Variants in TMC5 observed in about 807,000 individuals in gnomAD.
TMC5 encodes transmembrane channel like 5.
In TMC5, 86 loss-of-function variants were observed where a neutral mutation model predicts 110.5. The ratio of observed to expected loss-of-function variants is 0.78; its 90% CI spans 0.65 to 0.93. The LOEUF (loss-of-function observed/expected upper bound fraction) is 0.93. TMC5 is among the 40% of genes least tolerant of loss of function. The pLI is 0.00. For missense variants in TMC5, 1,144 were observed against 1,222.8 expected (o/e 0.94, Z 0.96); for synonymous variants, 455 against 439.5 (o/e 1.04, Z -0.44).
At chr16:19,437,957 C>T (rs1967384073) in intron 2 of TMC5, among the ~76,000 whole-genome samples, 1 of 152,118 alleles carries the variant, frequency 6.6e-6, no homozygotes, top group South Asian at 2.1e-4. Context: ...AACTCTGTGG[C>T]CAGGGGGATG....
chr16:19,466,188 C>T lies in TMC5; in HGVS notation c.1592C>T (p.Thr531Ile), dbSNP rs757877398. The T allele has an allele frequency of 1.2e-6, 2 of 1,614,174 alleles. No individual in the cohort carries two copies. Among genetic ancestry groups the T allele is most frequent in the East Asian group, 4.5e-5 (2 of 44,876 alleles). Residue 531 changes from threonine to isoleucine, a missense_variant, in exon 9 of 22, where the codon ACA becomes ATA. Thr to Ile is a moderately conservative substitution (Grantham distance 89). Coordinates refer to ENST00000542583, the MANE Select transcript of TMC5 (RefSeq NM_001261841.2). ...SYNMQLAYIF[T>I]IGACLTTCFF... is the part of the protein sequence containing the mutation. ...AACATGCAGCTGGCCTACATCTTCACAATCGGAGCATGCTTGACCACCTGC... is the reference window on the plus strand; with the variant it reads ...AACATGCAGCTGGCCTACATCTTCATAATCGGAGCATGCTTGACCACCTGC...
chr16:19,491,107 C>T lies in TMC5; in HGVS notation c.2747+539C>T, dbSNP rs990799960. Among the ~76,000 whole-genome samples the T allele has an allele frequency of 3.3e-5, 5 of 152,078 alleles. No homozygotes were observed. The South Asian group carries it at 1.0e-3, about 32-fold the overall frequency. On this transcript the variant is annotated intron_variant, in intron 18 of 21. Coordinates refer to ENST00000542583, the MANE Select transcript of TMC5 (RefSeq NM_001261841.2). ...CTTGCTGCAACCTCAACCTTTCAGG[C>T]TCAAGCCATCCTCCCACCTCAGCCC...
intron 2 of TMC5, among the ~76,000 whole-genome samples, chr16:19,434,233 A>AATATATATCTATATATCTATAGT (rs1446515418): frequency 8.2e-6 from 1 of 122,676 alleles, no homozygotes; most frequent in East Asian, 2.1e-4. Flanking sequence ...CTATATATAT[A>AATATATATCTATATATCTATAGT]ATATATATCT....
At chr16:19,474,509 C>T (rs1042870990) in intron 12 of TMC5, among the ~76,000 whole-genome samples, 2 of 151,992 alleles carry the variant, frequency 1.3e-5, no homozygotes, top group Non-Finnish European at 2.9e-5. Flanking sequence ...GCAACATAGC[C>T]GGATGCTGGC....
rs774260564 is a variant in TMC5 at position 19,472,178 on chromosome 16, G to T, written c.1873G>T (p.Val625Phe). The part of the protein sequence containing the change: ...RFSAYMVAWV[V>F]STGVAIACCA... ...CTCTGCCTACATGGTAGCCTGGGTT[G>T]TCTCTACAGGAGTGGCCATAGCCTG... Residue 625 changes from valine to phenylalanine, a missense_variant, in exon 11 of 22, where the codon GTC (valine) becomes TTC (phenylalanine). Physicochemically the swap from Val to Phe is conservative, Grantham distance 50. Transcript: ENST00000542583. 6 of 1,614,198 alleles carry T rather than the reference G, an allele frequency of 3.7e-6. No homozygotes were observed. In the Admixed American group the frequency reaches 1.0e-4, roughly 27 times the overall value.
At chr16:19,464,913 C>T (rs1172508322) in intron 8 of TMC5, among the ~76,000 whole-genome samples, 3 of 151,458 alleles carry the variant, frequency 2.0e-5, no homozygotes, top group South Asian at 2.1e-4. Flanking sequence ...AGATGACAGG[C>T]ACATAGATTA....
chr16:19,435,876 G>A (rs747699997), intron 2 of TMC5, among the ~76,000 whole-genome samples: 33 of 152,218 alleles, frequency 2.2e-4, no homozygotes, highest in Non-Finnish European at 2.1e-4. Flanking sequence ...TTGCCTCTCT[G>A]TAGTATTTCA....
chr16:19,472,306 A>G, intron 11 of TMC5, 63 bp downstream of exon 11: 3 of 1,578,808 alleles, frequency 1.9e-6, no homozygotes, highest in Non-Finnish European at 2.6e-6. Context: ...CTGGAGGGGA[A>G]GGGTGGTGTG....
At position 19,444,719 on chromosome 16, in the gene TMC5, G is replaced by T. The variant is rs866924834; in HGVS notation, c.958+469G>T. On this transcript the variant is annotated intron_variant, in intron 4 of 21. Coordinates refer to ENST00000542583, the MANE Select transcript of TMC5 (RefSeq NM_001261841.2). ...CACCTGTAGTTTAGCATATCCTAAA[G>T]GCATTCAGGCAATCAGCACGTATGT... 2.2e-4 allele frequency among the ~76,000 whole-genome samples: 33 copies of T among 152,196 alleles called. 1 individual carries two copies. The highest frequency in any genetic ancestry group is 6.0e-4 in the African/African-American group (25 of 41,448).
chr16:19,416,196 A>G (rs1966876318), upstream of TMC5, among the ~76,000 whole-genome samples: 1 of 152,086 alleles, frequency 6.6e-6, no homozygotes. Flanking sequence ...AAAGGAAAAA[A>G]AAAAAAAAGA....
At chr16:19,421,927 C>T (rs1212092137) in intron 1 of TMC5, among the ~76,000 whole-genome samples, 1 of 151,040 alleles carries the variant, frequency 6.6e-6, no homozygotes, top group African/African-American at 2.4e-5. Context: ...GAGACTCCAT[C>T]TCTTAAAAAA....
chr16:19,412,876 G>C (rs935311903), intron 1 of TMC5, among the ~76,000 whole-genome samples: 9 of 152,150 alleles, frequency 5.9e-5, no homozygotes, highest in Admixed American at 4.6e-4. Flanking sequence ...ACTGAGTCTT[G>C]CTCTGTTGCC....
chr16:19,429,644 C>A (rs1334655846), intron 1 of TMC5, among the ~76,000 whole-genome samples: 4 of 152,198 alleles, frequency 2.6e-5, no homozygotes, highest in Non-Finnish European at 4.4e-5. Flanking sequence ...AGATCAGGTG[C>A]CTGCAAAAAG....
At chr16:19,465,528 C>CAAAA (rs1968165445) in intron 8 of TMC5, among the ~76,000 whole-genome samples, 1 of 151,454 alleles carries the variant, frequency 6.6e-6, no homozygotes, top group Non-Finnish European at 1.5e-5. Flanking sequence ...GACTCCATCT[C>CAAAA]AAAAAAATAA....
chr16:19,465,364 T>C (rs1968160752), intron 8 of TMC5, among the ~76,000 whole-genome samples: 1 of 151,834 alleles, frequency 6.6e-6, no homozygotes, highest in African/African-American at 2.4e-5. Flanking sequence ...CAAAACCCCA[T>C]CTCTACTTAA....
chr16:19,470,456 G>A (rs1278603266), intron 10 of TMC5, among the ~76,000 whole-genome samples: 4 of 152,126 alleles, frequency 2.6e-5, no homozygotes, highest in African/African-American at 9.7e-5. Context: ...CAAAGTACTG[G>A]GATTACAGGC....
intron 20 of TMC5, among the ~76,000 whole-genome samples, 181 bp downstream of exon 20, chr16:19,494,547 G>A (rs935666320): frequency 6.6e-6 from 1 of 152,170 alleles, no homozygotes; most frequent in Non-Finnish European, 1.5e-5. Flanking sequence ...AGTGGCTCAC[G>A]CCTGTAATCC....
At chr16:19,487,414 TGGTGAGGCCG>T in intron 17 of TMC5, 88 bp downstream of exon 17, 1 of 1,505,742 alleles carries the variant, frequency 6.6e-7, no homozygotes, top group Non-Finnish European at 8.9e-7. Context: ...AATTCAGGTG[TGGTGAGGCCG>T]GGTGCAGTGG....
rs191428880 is a variant in TMC5 at position 19,418,414 on chromosome 16, T to G, written c.-308+322T>G. ...TTGGTTTCCTTGTCTGTAGAATGGG[T>G]AGTATGCCAAAAGCTCCCACTTCCA... On this transcript the variant is annotated intron_variant, in intron 1 of 21. Coordinates refer to ENST00000542583, the MANE Select transcript of TMC5 (RefSeq NM_001261841.2). Among the ~76,000 whole-genome samples the G allele has an allele frequency of 4.9e-4, 75 of 152,178 alleles. 2 individuals are homozygous for G. The East Asian group carries it at 0.014, about 28-fold the overall frequency.
Sources: gnomAD v4.1 joint callset for allele counts (sites outside exome capture counted in the v4.1 genomes callset) on GRCh38, gnomAD v4.1.1 for gene constraint, MANE v1.5 for transcripts, NCBI Gene and HGNC (gene_info 2026-07-23, HGNC 2026-07-21) for gene names.